MAP3K9: variants seen among roughly 807,000 people sequenced by gnomAD.
The protein encoded by MAP3K9 is mixed lineage kinase 1 (tyr and ser/thr specificity).
A neutral mutation model predicts 95.8 loss-of-function variants in MAP3K9; 46 were observed. That is an observed-to-expected ratio of 0.48 (90% CI 0.38 to 0.61). The LOEUF (loss-of-function observed/expected upper bound fraction) is 0.61, where lower values mean the gene tolerates loss of function less well. MAP3K9 is among the 20% of genes least tolerant of loss of function. The pLI, the probability that MAP3K9 is intolerant of heterozygous loss-of-function variation, is 0.00. For missense variants in MAP3K9, 1,296 were observed against 1,474.3 expected, an observed-to-expected ratio of 0.88 and a Z score of 1.98; for synonymous variants, 533 against 593.8, an observed-to-expected ratio of 0.90 and a Z score of 1.49.
intron 2 of MAP3K9, among the ~76,000 whole-genome samples, chr14:70,799,168 C>A (rs916759867): frequency 6.9e-5 from 10 of 144,072 alleles, no homozygotes; most frequent in Non-Finnish European, 1.5e-4. Flanking sequence ...ACACTTACTA[C>A]TTACATAATT....
chr14:70,774,534 G>C (rs1327161849), intron 2 of MAP3K9, among the ~76,000 whole-genome samples: 2 of 151,728 alleles, frequency 1.3e-5, no homozygotes, highest in Non-Finnish European at 2.9e-5. Flanking sequence ...GTGGTGGTGG[G>C]CGCCTGTAAT....
At chr14:70,739,764 TA>T in intron 7 of MAP3K9, 1 of 956,524 alleles carries the variant, frequency 1.0e-6, no homozygotes, top group Non-Finnish European at 1.5e-6. Flanking sequence ...CACCAGTTTC[TA>T]AATTGCTTTG....
At position 70,760,985 on chromosome 14, in the gene MAP3K9, G is replaced by GC. The variant is rs1566746732; in HGVS notation, c.1001+16dup. ...GATGGACCTAGGAAATGCTGTCCCT[G>GC]CCCCCCTGGACCTTACCTCCACACA... On this transcript the variant is annotated intron_variant, in intron 3 of 11. Coordinates refer to ENST00000554752, the MANE Select transcript of MAP3K9 (RefSeq NM_001284230.2). 4 of 1,610,262 alleles carry GC rather than the reference G, an allele frequency of 2.5e-6. No homozygotes were observed. Among genetic ancestry groups the GC allele is most frequent in the Non-Finnish European group, 8.5e-7 (1 of 1,178,334 alleles).
intron 1 of MAP3K9, among the ~76,000 whole-genome samples, chr14:70,804,759 C>T (rs187877917): frequency 3.3e-5 from 5 of 152,218 alleles, no homozygotes; most frequent in Admixed American, 3.3e-4. Flanking sequence ...CCTCTAAAAA[C>T]CTCTGCAGGG....
intron 2 of MAP3K9, among the ~76,000 whole-genome samples, chr14:70,791,780 C>T (rs375859203): frequency 3.9e-5 from 6 of 152,376 alleles, no homozygotes; most frequent in African/African-American, 1.4e-4. Context: ...CTTGACTTTA[C>T]ATTTTGTGCC....
chr14:70,732,967 G>A lies in MAP3K9; in HGVS notation c.2402C>T (p.Ser801Phe), dbSNP rs1188842421. The change falls in exon 11 of 12, where the codon TCC (serine) becomes TTC (phenylalanine). Residue 801 changes from serine (S) to phenylalanine (F), a missense_variant. Around this residue, in one of 5 missense-constraint regions of MAP3K9, gnomAD observed 433 missense variants for 441.4 expected, o/e 0.98. Transcript: ENST00000554752. Reference sequence around the variant, plus strand: ...GCTGGTGCTCCGACGAGGACGGCTGGACCTCTGAAAAAGACCCTCCCGTCT... The same window carrying A: ...GCTGGTGCTCCGACGAGGACGGCTGAACCTCTGAAAAAGACCCTCCCGTCT... ...KKRREGLFQR[S>F]SRPRRSTSPP... The A allele has an allele frequency of 6.2e-7, 1 of 1,614,106 alleles. No individual in the cohort carries two copies. The highest frequency in any genetic ancestry group is 1.7e-5 in the Admixed American group (1 of 60,022).
At chr14:70,737,859 T>G (rs1035884384) in intron 8 of MAP3K9, among the ~76,000 whole-genome samples, 6 of 152,234 alleles carry the variant, frequency 3.9e-5, no homozygotes, top group Admixed American at 1.3e-4. Flanking sequence ...GTTGGCAAAC[T>G]ATAACTGGTG....
At chr14:70,770,147 G>A (rs1444346616) in intron 2 of MAP3K9, among the ~76,000 whole-genome samples, 1 of 152,102 alleles carries the variant, frequency 6.6e-6, no homozygotes, top group Admixed American at 6.5e-5. Context: ...TAGGGGTCAA[G>A]GTAATTGCGA....
rs1191040667 is a variant in MAP3K9, at chr14:70,730,296, G to C, written c.*84C>G. The stretch of plus-strand genomic sequence containing the variant: ...AAGAAGTAGGGCTGGATCTCAGGGG[G>C]TCCAACCCTGAGAAAGGGCTGTGCC... On this transcript the variant is annotated 3_prime_UTR_variant, in exon 12 of 12. Coordinates refer to ENST00000554752, the MANE Select transcript of MAP3K9 (RefSeq NM_001284230.2). 5.3e-6 allele frequency: 8 copies of C among 1,515,912 alleles called. No homozygotes were observed. Among genetic ancestry groups the C allele is most frequent in the African/African-American group, 4.1e-5 (3 of 72,506 alleles). The allele number at this position is 1,515,912 out of a possible 1,614,324, so 93.9% of individuals were successfully genotyped here.
intron 4 of MAP3K9, 29 bp from the exon 5 acceptor site, chr14:70,749,033 G>C (rs1296752533): frequency 6.3e-7 from 1 of 1,596,202 alleles, no homozygotes; most frequent in Non-Finnish European, 8.6e-7. Flanking sequence ...TACTCAGAAA[G>C]CATGAATGGA....
At chr14:70,733,428 G>C (rs1475533872) in intron 10 of MAP3K9, 86 bp from the exon 11 acceptor site, 2 of 644,476 alleles carry the variant, frequency 3.1e-6, no homozygotes, top group Non-Finnish European at 5.4e-6. Context: ...CCTCACCCCA[G>C]GCCTCCTGTC....
In MAP3K9 at chr14:70,726,511, C is replaced by G. The variant is rs536383965; in HGVS notation, c.*3869G>C. ...TCATTTCCTTCTCTGTAAGACACAACCTCCCTCTCCCATTTCCTTCTCTGT... is the reference window on the plus strand; with the variant it reads ...TCATTTCCTTCTCTGTAAGACACAAGCTCCCTCTCCCATTTCCTTCTCTGT... On this transcript the variant is annotated 3_prime_UTR_variant, in exon 12 of 12. Coordinates refer to ENST00000554752, the MANE Select transcript of MAP3K9 (RefSeq NM_001284230.2). 6.6e-6 allele frequency: 1 copy of G among 152,250 alleles called. No individual in the cohort carries two copies. Among genetic ancestry groups the G allele is most frequent in the Non-Finnish European group, 1.5e-5 (1 of 68,052 alleles). The allele number at this position is 152,250 out of a possible 1,614,324, so 9.4% of individuals were successfully genotyped here. A position where few individuals can be genotyped will look rare whatever the true frequency, so the allele number is the denominator to read the frequency against.
At chr14:70,764,661 T>C (rs2054424842) in intron 2 of MAP3K9, among the ~76,000 whole-genome samples, 1 of 151,886 alleles carries the variant, frequency 6.6e-6, no homozygotes, top group African/African-American at 2.4e-5. Flanking sequence ...TGAAACCTTG[T>C]CTCTACAAAG....
Position 70,733,113 on chromosome 14 carries a change from A to G in MAP3K9, c.2256T>C (p.Ala752=). ...GGAHHRRCEV[A]LLGCGAVLAA... ...CCAGAACAGCCCCACAGCCGAGCAG[A>G]GCCACCTCGCAGCGGCGGTGGTGGG... Residue 752 remains alanine, a synonymous_variant, in exon 11 of 12, where the codon GCT becomes GCC. Transcript: ENST00000554752. 1 of 1,613,980 alleles carries G rather than the reference A, an allele frequency of 6.2e-7. No individual in the cohort carries two copies. Among genetic ancestry groups the G allele is most frequent in the Non-Finnish European group, 8.5e-7 (1 of 1,179,962 alleles).
chr14:70,761,377 A>C (rs767142091), intron 2 of MAP3K9, among the ~76,000 whole-genome samples, 195 bp from the exon 3 acceptor site: 1 of 152,146 alleles, frequency 6.6e-6, no homozygotes, highest in Admixed American at 6.5e-5. Flanking sequence ...TTTTATAGCC[A>C]CTATCTCTAA....
At position 70,774,983 on chromosome 14, in the gene MAP3K9, C is replaced by CAAAAAAAAAAAAAAAAA. The variant is rs60144338; in HGVS notation, c.821-13818_821-13802dup. 5.1e-4 allele frequency among the ~76,000 whole-genome samples: 28 copies of CAAAAAAAAAAAAAAAAA among 55,116 alleles called. 1 individual carries two copies. Among genetic ancestry groups the CAAAAAAAAAAAAAAAAA allele is most frequent in the East Asian group, 7.5e-4 (1 of 1,342 alleles). 36.2% of individuals were successfully genotyped at this position (55,116 alleles called of 152,430 possible). A position where few individuals can be genotyped will look rare whatever the true frequency, so the allele number is the denominator to read the frequency against. On this transcript the variant is annotated intron_variant, in intron 2 of 11. Coordinates refer to ENST00000554752, the MANE Select transcript of MAP3K9 (RefSeq NM_001284230.2). ...TGGAGACAGAGTGAGACTCTGTCCC[C>CAAAAAAAAAAAAAAAAA]AAAAAAAAAAAAAAAAAAAAAAAAA... is the stretch of plus-strand genomic sequence containing the variant.
chr14:70,752,506 T>C (rs1489014105), intron 3 of MAP3K9, among the ~76,000 whole-genome samples: 1 of 152,176 alleles, frequency 6.6e-6, no homozygotes, highest in Non-Finnish European at 1.5e-5. Flanking sequence ...AAACCTTTCA[T>C]GTGACTTATC....
intron 2 of MAP3K9, among the ~76,000 whole-genome samples, chr14:70,790,961 T>C (rs1055485324): frequency 6.6e-6 from 1 of 152,188 alleles, no homozygotes; most frequent in African/African-American, 2.4e-5. Flanking sequence ...AGGCAGGCTC[T>C]TCTCTCATCT....
intron 5 of MAP3K9, among the ~76,000 whole-genome samples, chr14:70,743,777 C>A (rs992027050): frequency 2.6e-5 from 4 of 152,158 alleles, no homozygotes; most frequent in African/African-American, 4.8e-5. Context: ...TTAGTTCAAC[C>A]ATTGTGGAAG....
Sources: gnomAD v4.1 joint callset for allele counts (sites outside exome capture counted in the v4.1 genomes callset) on GRCh38, gnomAD v4.1.1 for gene constraint, gnomAD v4.1.1 regional missense constraint, MANE v1.5 for transcripts, NCBI Gene and HGNC (gene_info 2026-07-23, HGNC 2026-07-21) for gene names.